CSNK2A2IP: variants seen among roughly 807,000 people sequenced by gnomAD.
CSNK2A2IP encodes casein kinase II subunit alpha'-interacting protein.
the CSNK2A2IP span, among the ~76,000 whole-genome samples, chr3:88,434,204 G>A: frequency 1.3e-5 from 2 of 152,114 alleles, no homozygotes; most frequent in Non-Finnish European, 2.9e-5. Context: ...GTATTCGAGT[G>A]CACTGTTTCC....
chr3:88,395,703 A>G, the CSNK2A2IP span, among the ~76,000 whole-genome samples: 1 of 152,228 alleles, frequency 6.6e-6, no homozygotes, highest in Non-Finnish European at 1.5e-5. Flanking sequence ...GGGAAGAATC[A>G]ACATTTTAAC....
the CSNK2A2IP span, among the ~76,000 whole-genome samples, chr3:88,432,497 C>T: frequency 6.6e-6 from 1 of 151,500 alleles, no homozygotes; most frequent in Non-Finnish European, 1.5e-5. Context: ...TTTAGGTACT[C>T]TTACTAACAC....
chr3:88,422,133 ACT>A, the CSNK2A2IP span, among the ~76,000 whole-genome samples: 1 of 152,092 alleles, frequency 6.6e-6, no homozygotes, highest in Non-Finnish European at 1.5e-5. Context: ...CTTTTATTAG[ACT>A]TTTTTTTGTA....
At chr3:88,434,639 G>A in the CSNK2A2IP span, among the ~76,000 whole-genome samples, 2 of 152,124 alleles carry the variant, frequency 1.3e-5, no homozygotes, top group African/African-American at 4.8e-5. Flanking sequence ...GGGTTGCTAT[G>A]AAAACCAGTT....
the CSNK2A2IP span, among the ~76,000 whole-genome samples, chr3:88,393,544 T>G: frequency 0.01 from 1,536 of 152,320 alleles, 11 homozygotes; most frequent in South Asian, 0.015. Context: ...CACATATTTA[T>G]GTACTTAGGG....
the CSNK2A2IP span, among the ~76,000 whole-genome samples, chr3:88,344,539 G>C: frequency 6.6e-6 from 1 of 151,888 alleles, no homozygotes. Flanking sequence ...GAGTTTACAT[G>C]ATAGAAATTG....
chr3:88,466,751 C>T, the CSNK2A2IP span: 1 of 859,764 alleles, frequency 1.2e-6, no homozygotes, highest in Non-Finnish European at 1.5e-6. Flanking sequence ...AATCCTCATC[C>T]TGGTCCTCGC....
At chr3:88,402,145 AACT>A in the CSNK2A2IP span, among the ~76,000 whole-genome samples, 5 of 152,072 alleles carry the variant, frequency 3.3e-5, no homozygotes, top group African/African-American at 1.2e-4. Flanking sequence ...ATAACCCAGT[AACT>A]GACTGCTTGG....
At chr3:88,421,238 A>G in the CSNK2A2IP span, among the ~76,000 whole-genome samples, 1 of 152,088 alleles carries the variant, frequency 6.6e-6, no homozygotes, top group Non-Finnish European at 1.5e-5. Flanking sequence ...ATTATTTATT[A>G]TGTCCATGTC....
At chr3:88,426,795 T>C in the CSNK2A2IP span, among the ~76,000 whole-genome samples, 1 of 148,800 alleles carries the variant, frequency 6.7e-6, no homozygotes, top group African/African-American at 2.5e-5. Context: ...GTGACTCAAT[T>C]AAAGCTCTTT....
the CSNK2A2IP span, chr3:88,465,995 C>T: frequency 1.8e-5 from 22 of 1,231,610 alleles, no homozygotes; most frequent in East Asian, 6.3e-5. Flanking sequence ...GCCCTTAGCT[C>T]GACATTGCTT....
At chr3:88,402,145 AACTG>A in the CSNK2A2IP span, among the ~76,000 whole-genome samples, 7 of 152,072 alleles carry the variant, frequency 4.6e-5, no homozygotes, top group Non-Finnish European at 1.0e-4. Flanking sequence ...ATAACCCAGT[AACTG>A]ACTGCTTGGA....
chr3:88,451,975 G>A, the CSNK2A2IP span, among the ~76,000 whole-genome samples: 2 of 151,942 alleles, frequency 1.3e-5, no homozygotes, highest in African/African-American at 4.8e-5. Context: ...GTGCCTTTAA[G>A]ATTTTAGAAA....
the CSNK2A2IP span, among the ~76,000 whole-genome samples, chr3:88,454,170 C>A: frequency 6.6e-6 from 1 of 151,982 alleles, no homozygotes; most frequent in Admixed American, 6.6e-5. Flanking sequence ...AATTTGGATT[C>A]CTCTAAAGAA....
At chr3:88,364,734 A>G in the CSNK2A2IP span, among the ~76,000 whole-genome samples, 1 of 152,148 alleles carries the variant, frequency 6.6e-6, no homozygotes, top group Non-Finnish European at 1.5e-5. Context: ...TTTTTCCACC[A>G]GTTTCCAGCA....
the CSNK2A2IP span, among the ~76,000 whole-genome samples, chr3:88,455,340 T>C: frequency 2.6e-5 from 4 of 151,948 alleles, no homozygotes; most frequent in Admixed American, 6.6e-5. Flanking sequence ...ACCAGTAGGT[T>C]CTTTTTTCCC....
the CSNK2A2IP span, among the ~76,000 whole-genome samples, chr3:88,389,384 C>A: frequency 6.6e-6 from 1 of 152,090 alleles, no homozygotes. Context: ...TCTGGCTGTG[C>A]TTGAGGAACC....
the CSNK2A2IP span, among the ~76,000 whole-genome samples, chr3:88,446,089 T>A: frequency 7.1e-6 from 1 of 140,558 alleles, no homozygotes; most frequent in Non-Finnish European, 1.6e-5. Context: ...TTTCTTTCTT[T>A]CTTTCTTTCT....
At chr3:88,377,447 C>T in the CSNK2A2IP span, among the ~76,000 whole-genome samples, 3 of 151,666 alleles carry the variant, frequency 2.0e-5, no homozygotes, top group Non-Finnish European at 4.4e-5. Flanking sequence ...CTGCTATGTT[C>T]AGACACAGTA....
Sources: allele counts gnomAD v4.1 joint callset (sites outside exome capture counted in the v4.1 genomes callset), GRCh38; gene constraint gnomAD v4.1.1; transcripts MANE v1.5; gene names NCBI Gene and HGNC (gene_info 2026-07-23, HGNC 2026-07-21).